Variants in ZNF423 observed in about 807,000 individuals in gnomAD.
The protein encoded by ZNF423 is Ebf-associated zinc finger protein.
In ZNF423, 12 loss-of-function variants were observed where a neutral mutation model predicts 95.8. That is an observed-to-expected ratio of 0.13 (90% CI 0.08 to 0.20). The LOEUF (loss-of-function observed/expected upper bound fraction) is 0.20. Ranked by LOEUF, ZNF423 falls within the 10% of genes least tolerant of loss-of-function variation. The pLI is 1.00. For missense variants in ZNF423, 1,316 were observed against 1,737.1 expected (o/e 0.76, Z 4.31); for synonymous variants, 749 against 711.9 (o/e 1.05, Z -0.83).
intron 2 of ZNF423, among the ~76,000 whole-genome samples, chr16:49,733,370 G>A (rs571864695): frequency 4.0e-4 from 61 of 152,062 alleles, no homozygotes; most frequent in African/African-American, 1.3e-3. Flanking sequence ...TTATCCCCTC[G>A]TTATTTTTTT....
chr16:49,766,856 C>T (rs759282304), intron 2 of ZNF423, among the ~76,000 whole-genome samples: 28 of 152,184 alleles, frequency 1.8e-4, no homozygotes, highest in Non-Finnish European at 3.7e-4. Flanking sequence ...AGGAAACTGA[C>T]GCTCACAAGT....
chr16:49,677,228 A>AAAGAGAAGAC (rs2031092128), intron 3 of ZNF423, among the ~76,000 whole-genome samples: 1 of 57,100 alleles, frequency 1.8e-5, no homozygotes. Context: ...AGAAACAAGA[A>AAAGAGAAGAC]AAGAGAAGAG....
chr16:49,612,554 A>C (rs1415374616), intron 5 of ZNF423, among the ~76,000 whole-genome samples: 1 of 152,038 alleles, frequency 6.6e-6, no homozygotes, highest in Non-Finnish European at 1.5e-5. Context: ...TACAAAGAAA[A>C]CCTATAGCTG....
chr16:49,512,674 T>C (rs1967948177), intron 7 of ZNF423, among the ~76,000 whole-genome samples: 1 of 152,226 alleles, frequency 6.6e-6, no homozygotes, highest in Non-Finnish European at 1.5e-5. Context: ...CAGCAATCCT[T>C]CTATCCTAAG....
At chr16:49,634,051 T>C (rs1458744617) in intron 4 of ZNF423, among the ~76,000 whole-genome samples, 1 of 151,520 alleles carries the variant, frequency 6.6e-6, no homozygotes, top group African/African-American at 2.4e-5. Flanking sequence ...GGACTACAGG[T>C]GTATGCCACT....
chr16:49,599,167 A>G (rs1168504567), intron 5 of ZNF423, among the ~76,000 whole-genome samples: 1 of 152,172 alleles, frequency 6.6e-6, no homozygotes, highest in Admixed American at 6.5e-5. Context: ...GGTTGGAAGT[A>G]AATTAAAAAC....
At chr16:49,522,834 T>A (rs1478452462) in intron 7 of ZNF423, among the ~76,000 whole-genome samples, 1 of 152,228 alleles carries the variant, frequency 6.6e-6, no homozygotes, top group African/African-American at 2.4e-5. Context: ...GATTTTTCTG[T>A]GTACGTGTGT....
At chr16:49,837,757 G>A (rs369970106) in intron 1 of ZNF423, among the ~76,000 whole-genome samples, 7 of 152,204 alleles carry the variant, frequency 4.6e-5, no homozygotes, top group South Asian at 2.1e-4. Context: ...CACATGGGGC[G>A]GGCCCAAGGC....
At chr16:49,670,927 G>A (rs954007387) in intron 3 of ZNF423, among the ~76,000 whole-genome samples, 8 of 152,216 alleles carry the variant, frequency 5.3e-5, no homozygotes, top group African/African-American at 1.2e-4. Flanking sequence ...AGCCTAGATC[G>A]GAGGCTACTT....
intron 1 of ZNF423, among the ~76,000 whole-genome samples, chr16:49,841,752 G>A (rs1567368019): frequency 2.0e-5 from 3 of 152,322 alleles, no homozygotes; most frequent in South Asian, 2.1e-4. Context: ...TCCTGAGGAC[G>A]TGGCCTCCTC....
intron 3 of ZNF423, among the ~76,000 whole-genome samples, chr16:49,649,638 T>TACACACACAC (rs58838858): frequency 3.6e-5 from 5 of 140,336 alleles, no homozygotes; most frequent in Admixed American, 1.4e-4. Context: ...TGCTTTGAAG[T>TACACACACAC]ACACACACAC....
At chr16:49,691,360 A>G (rs2031773533) in intron 3 of ZNF423, among the ~76,000 whole-genome samples, 1 of 152,196 alleles carries the variant, frequency 6.6e-6, no homozygotes, top group African/African-American at 2.4e-5. Flanking sequence ...TTTGCCTCCA[A>G]GCTCCAACAC....
intron 3 of ZNF423, among the ~76,000 whole-genome samples, chr16:49,667,948 G>A (rs568732555): frequency 6.6e-6 from 1 of 152,306 alleles, no homozygotes; most frequent in South Asian, 2.1e-4. Context: ...AGCCTGGGCT[G>A]GCAGAGGCAG....
At chr16:49,771,722 C>T (rs2143713321) in intron 2 of ZNF423, among the ~76,000 whole-genome samples, 1 of 152,282 alleles carries the variant, frequency 6.6e-6, no homozygotes, top group Admixed American at 6.5e-5. Flanking sequence ...CTTCCTTTGC[C>T]TTTCACCATG....
At chr16:49,619,682 A>T (rs1277927877) in intron 5 of ZNF423, among the ~76,000 whole-genome samples, 1 of 152,162 alleles carries the variant, frequency 6.6e-6, no homozygotes, top group Non-Finnish European at 1.5e-5. Context: ...TGATCTCTGG[A>T]GGGAGAGGGA....
intron 5 of ZNF423, among the ~76,000 whole-genome samples, chr16:49,598,592 G>A (rs952856625): frequency 6.6e-6 from 1 of 152,230 alleles, no homozygotes; most frequent in Non-Finnish European, 1.5e-5. Context: ...ACGCGCACTG[G>A]GGACAAAACT....
At chr16:49,768,333 T>A (rs1305806543) in intron 2 of ZNF423, among the ~76,000 whole-genome samples, 1 of 152,182 alleles carries the variant, frequency 6.6e-6, no homozygotes, top group Non-Finnish European at 1.5e-5. Flanking sequence ...CGGCCCAGAA[T>A]GGTTTCAAGC....
At chr16:49,797,395 C>A (rs1392202346) in intron 1 of ZNF423, among the ~76,000 whole-genome samples, 1 of 152,190 alleles carries the variant, frequency 6.6e-6, no homozygotes, top group African/African-American at 2.4e-5. Flanking sequence ...GAAAGGGGTG[C>A]CCATTCCTTT....
intron 3 of ZNF423, among the ~76,000 whole-genome samples, chr16:49,642,605 A>C (rs1973011246): frequency 6.6e-6 from 1 of 152,212 alleles, no homozygotes; most frequent in Non-Finnish European, 1.5e-5. Flanking sequence ...ATAAAGTCCC[A>C]AACTCAGATT....
Sources: allele counts gnomAD v4.1 joint callset (sites outside exome capture counted in the v4.1 genomes callset), GRCh38; gene constraint gnomAD v4.1.1; transcripts MANE v1.5; gene names NCBI Gene and HGNC (gene_info 2026-07-23, HGNC 2026-07-21).